LRRC4C: variants seen among roughly 807,000 people sequenced by gnomAD.
The protein encoded by LRRC4C is leucine rich repeat containing 4C.
Under a neutral mutation model 33.6 loss-of-function variants are expected in LRRC4C, and 5 were observed. That is an observed-to-expected ratio of 0.15 (90% CI 0.08 to 0.31). The LOEUF (loss-of-function observed/expected upper bound fraction) is 0.31. LRRC4C is among the 10% of genes least tolerant of loss of function. The pLI is 1.00. For synonymous variants in LRRC4C, 329 were observed against 302.0 expected, an observed-to-expected ratio of 1.09 and a Z score of -0.93; for missense variants, 560 against 796.7, an observed-to-expected ratio of 0.70 and a Z score of 3.58.
At chr11:41,388,078 A>G (rs1225738180) in intron 1 of LRRC4C, among the ~76,000 whole-genome samples, 2 of 151,890 alleles carry the variant, frequency 1.3e-5, no homozygotes, top group Admixed American at 1.3e-4. Flanking sequence ...ATTTTTTACA[A>G]AATTGTATAA....
At chr11:41,400,467 A>C (rs1023940112) in intron 1 of LRRC4C, among the ~76,000 whole-genome samples, 24 of 152,000 alleles carry the variant, frequency 1.6e-4, no homozygotes, top group Admixed American at 3.3e-4. Flanking sequence ...CATTTTGGTC[A>C]TCTTCCTGTG....
At chr11:40,213,991 A>G (rs1863793789) in intron 5 of LRRC4C, among the ~76,000 whole-genome samples, 1 of 152,186 alleles carries the variant, frequency 6.6e-6, no homozygotes, top group Non-Finnish European at 1.5e-5. Flanking sequence ...GAAAATGGCA[A>G]TAAGAGAATT....
At chr11:40,199,932 A>G (rs1862569541) in intron 5 of LRRC4C, among the ~76,000 whole-genome samples, 1 of 152,088 alleles carries the variant, frequency 6.6e-6, no homozygotes, top group Admixed American at 6.5e-5. Flanking sequence ...GGAGAGGATA[A>G]TTGGTTCAAG....
chr11:40,458,438 T>C (rs1052619821), intron 3 of LRRC4C, among the ~76,000 whole-genome samples: 7 of 152,206 alleles, frequency 4.6e-5, no homozygotes, highest in African/African-American at 1.4e-4. Context: ...AAGTAATTCA[T>C]AATTTCTCTT....
chr11:40,816,679 C>T (rs1178049058), intron 2 of LRRC4C, among the ~76,000 whole-genome samples: 3 of 152,112 alleles, frequency 2.0e-5, no homozygotes, highest in South Asian at 4.1e-4. Flanking sequence ...TATCTACTGG[C>T]GACCAATTTC....
rs78242805 is a variant in LRRC4C, at chr11:41,064,051, C to A, written c.-495-130328G>T. ...GAAAACAATTCTGTGGTTTATACTCCATTGTATCTGGTTATAAACTTTAGG... is the reference window on the plus strand; with the variant it reads ...GAAAACAATTCTGTGGTTTATACTCAATTGTATCTGGTTATAAACTTTAGG... On this transcript the variant is annotated intron_variant, in intron 1 of 6. Coordinates refer to ENST00000528697, the MANE Select transcript of LRRC4C (RefSeq NM_001258419.2). 2.5e-3 allele frequency among the ~76,000 whole-genome samples: 387 copies of A among 152,272 alleles called. 3 individuals are homozygous for A. Among genetic ancestry groups the A allele is most frequent in the Non-Finnish European group, 4.2e-3 (287 of 68,028 alleles).
At chr11:41,154,139 G>T (rs748611143) in intron 1 of LRRC4C, among the ~76,000 whole-genome samples, 12 of 152,128 alleles carry the variant, frequency 7.9e-5, no homozygotes, top group Non-Finnish European at 1.3e-4. Flanking sequence ...CAAGTTTGTG[G>T]TAATTTTGCT....
chr11:40,137,441 A>G (rs1590482572), intron 6 of LRRC4C, among the ~76,000 whole-genome samples: 1 of 152,148 alleles, frequency 6.6e-6, no homozygotes, highest in African/African-American at 2.4e-5. Flanking sequence ...TATCCCTGAA[A>G]TTGAGAATTA....
intron 3 of LRRC4C, among the ~76,000 whole-genome samples, chr11:40,468,900 A>C (rs72897064): frequency 0.14 from 21,451 of 152,274 alleles, 1,594 homozygotes; most frequent in Non-Finnish European, 0.15. Context: ...GACTAAAAAA[A>C]GTAATATTAT....
chr11:40,602,404 T>C lies in LRRC4C; in HGVS notation c.-270+45738A>G, dbSNP rs1960109791. 2.0e-5 allele frequency among the ~76,000 whole-genome samples: 3 copies of C among 152,070 alleles called. 1 individual carries two copies. In the East Asian group the frequency reaches 5.8e-4, roughly 29 times the overall value. ...AAAGGTGAATATCCATGTGTGCAAATTGTGTTTATGAGAAAAGAATCAAAG... is the reference window on the plus strand; with the variant it reads ...AAAGGTGAATATCCATGTGTGCAAACTGTGTTTATGAGAAAAGAATCAAAG... On this transcript the variant is annotated intron_variant, in intron 3 of 6. Transcript: ENST00000528697.
intron 1 of LRRC4C, among the ~76,000 whole-genome samples, chr11:41,448,122 G>GTTTTTTTTTTTTTTTTTGTT (rs1955889485): frequency 2.1e-5 from 1 of 46,948 alleles, no homozygotes; most frequent in Non-Finnish European, 4.4e-5. Flanking sequence ...GCACACGTCT[G>GTTTTTTTTTTTTTTTTTGTT]TTTTTTTTTT....
chr11:40,192,129 G>T (rs769220007), intron 5 of LRRC4C, among the ~76,000 whole-genome samples: 42 of 152,058 alleles, frequency 2.8e-4, no homozygotes, highest in Non-Finnish European at 5.6e-4. Context: ...TGGCTATATT[G>T]TATTTCAAGG....
At chr11:41,447,398 C>G (rs189350799) in intron 1 of LRRC4C, among the ~76,000 whole-genome samples, 1 of 152,214 alleles carries the variant, frequency 6.6e-6, no homozygotes, top group Non-Finnish European at 1.5e-5. Flanking sequence ...TATTTTGAAG[C>G]TATTAAAACC....
chr11:40,424,572 C>T (rs1950644364), intron 3 of LRRC4C, among the ~76,000 whole-genome samples: 1 of 152,016 alleles, frequency 6.6e-6, no homozygotes, highest in Admixed American at 6.6e-5. Context: ...GCATAATTTG[C>T]AATACTAATA....
At chr11:40,706,513 T>C (rs1946175615) in intron 2 of LRRC4C, among the ~76,000 whole-genome samples, 2 of 152,166 alleles carry the variant, frequency 1.3e-5, no homozygotes, top group South Asian at 4.1e-4. Flanking sequence ...AAAGATCAGA[T>C]GGTTGTAGAT....
At chr11:40,498,240 TAAC>T (rs1954571766) in intron 3 of LRRC4C, among the ~76,000 whole-genome samples, 11 of 152,208 alleles carry the variant, frequency 7.2e-5, no homozygotes, top group Admixed American at 5.9e-4. Flanking sequence ...GCAAGTGAGT[TAAC>T]ATCCCTAGAC....
intron 1 of LRRC4C, among the ~76,000 whole-genome samples, chr11:41,428,670 T>A (rs867757618): frequency 6.6e-6 from 1 of 152,150 alleles, no homozygotes; most frequent in African/African-American, 2.4e-5. Context: ...GCTGGTTAGA[T>A]TCTTTCCTGG....
chr11:41,188,984 C>T (rs866417339), intron 1 of LRRC4C, among the ~76,000 whole-genome samples: 26 of 149,918 alleles, frequency 1.7e-4, no homozygotes, highest in Middle Eastern at 3.5e-3. Flanking sequence ...AAATTATAAC[C>T]CACGATCAAG....
intron 1 of LRRC4C, among the ~76,000 whole-genome samples, chr11:41,010,962 A>G (rs945496831): frequency 6.6e-6 from 1 of 152,166 alleles, no homozygotes; most frequent in Non-Finnish European, 1.5e-5. Context: ...AAAATAACAT[A>G]AAATGGACAA....
Sources: allele counts gnomAD v4.1 joint callset (sites outside exome capture counted in the v4.1 genomes callset), GRCh38; gene constraint gnomAD v4.1.1; transcripts MANE v1.5; gene names NCBI Gene and HGNC (gene_info 2026-07-23, HGNC 2026-07-21).